The following KAT6B variants were observed in gnomAD, a reference collection of about 807,000 sequenced individuals.
KAT6B encodes histone acetyltransferase KAT6B.
KAT6B carries 10 observed loss-of-function variants against 187.5 expected under a neutral mutation model. The observed-to-expected ratio is 0.05, with a 90% confidence interval of 0.03 to 0.09. KAT6B has a LOEUF of 0.09. KAT6B is among the 10% of genes least tolerant of loss of function. KAT6B has a pLI of 1.00. For synonymous variants in KAT6B, 861 were observed against 926.8 expected, an observed-to-expected ratio of 0.93 and a Z score of 1.29; for missense variants, 1,952 against 2,558.9, an observed-to-expected ratio of 0.76 and a Z score of 5.12.
At chr10:74,878,215 G>A (rs1844565420) in intron 3 of KAT6B, among the ~76,000 whole-genome samples, 1 of 152,178 alleles carries the variant, frequency 6.6e-6, no homozygotes, top group African/African-American at 2.4e-5. Flanking sequence ...ACTCAAAGAG[G>A]AAAGGGGTTG....
At position 74,843,153 on chromosome 10, in the gene KAT6B, G is replaced by A. The variant is rs1841859658; in HGVS notation, c.296G>A (p.Cys99Tyr). Reference sequence around the variant, plus strand: ...TCAGCCAAGGGGTCTAGAGGATCATGTAATGATCTCCGCAATGTGGATTGG... The same window carrying A: ...TCAGCCAAGGGGTCTAGAGGATCATATAATGATCTCCGCAATGTGGATTGG... ...PKSAKGSRGS[C>Y]NDLRNVDWNK... Residue 99 changes from cysteine to tyrosine, a missense_variant, in exon 3 of 18, where the codon TGT (cysteine) becomes TAT (tyrosine). Physicochemically the swap from Cys to Tyr is radical, Grantham distance 194. Transcript: ENST00000287239. 3 of 1,614,010 alleles carry A rather than the reference G, an allele frequency of 1.9e-6. No individual in the cohort carries two copies. Among genetic ancestry groups the A allele is most frequent in the African/African-American group, 2.7e-5 (2 of 74,938 alleles).
At chr10:74,855,214 G>C (rs1029505804) in intron 3 of KAT6B, among the ~76,000 whole-genome samples, 1 of 152,168 alleles carries the variant, frequency 6.6e-6, no homozygotes, top group Admixed American at 6.5e-5. Context: ...GAGCAGTGAG[G>C]CCTGCAGGAA....
intron 3 of KAT6B, among the ~76,000 whole-genome samples, chr10:74,884,612 A>G (rs774158336): frequency 1.3e-5 from 2 of 151,976 alleles, no homozygotes; most frequent in Non-Finnish European, 2.9e-5. Flanking sequence ...TCTGTTGCCC[A>G]GGCTGGAGTG....
In KAT6B at chr10:74,976,316, C is replaced by T; in HGVS notation, c.1979C>T (p.Pro660Leu). The change falls in exon 8 of 18, where the codon CCT becomes CTT. Residue 660 changes from proline (P) to leucine (L), a missense_variant. By Grantham distance (98) the Pro-to-Leu change is moderately conservative. Coordinates refer to ENST00000287239, the MANE Select transcript of KAT6B (RefSeq NM_012330.4). ...AGCTTGACAGACGGAAGGATTAAACCTGATCAGGATGATGGTAAGCAAAAG... is the reference window on the plus strand; with the variant it reads ...AGCTTGACAGACGGAAGGATTAAACTTGATCAGGATGATGGTAAGCAAAAG... ...KGSLTDGRIK[P>L]DQDDDTEIKI... is the part of the protein sequence containing the mutation. The T allele has an allele frequency of 1.2e-6, 2 of 1,613,060 alleles. No homozygotes were observed. Among genetic ancestry groups the T allele is most frequent in the Non-Finnish European group, 1.7e-6 (2 of 1,179,934 alleles).
intron 3 of KAT6B, among the ~76,000 whole-genome samples, chr10:74,870,579 G>T (rs1213346412): frequency 1.3e-5 from 2 of 152,098 alleles, no homozygotes; most frequent in Non-Finnish European, 2.9e-5. Flanking sequence ...TCTATTGAAA[G>T]AGTTTTTTTT....
chr10:74,838,978 C>T (rs187554809), intron 2 of KAT6B, among the ~76,000 whole-genome samples: 2 of 152,020 alleles, frequency 1.3e-5, no homozygotes, highest in African/African-American at 4.8e-5. Flanking sequence ...CATGGCAAAA[C>T]CCTGTCTCTA....
intron 3 of KAT6B, among the ~76,000 whole-genome samples, chr10:74,856,024 G>C (rs1020130136): frequency 2.6e-5 from 4 of 151,996 alleles, no homozygotes; most frequent in Admixed American, 6.6e-5. Flanking sequence ...AAAAAATTCG[G>C]CAGTGGAATG....
chr10:74,982,981 C>T (rs531051835), intron 11 of KAT6B: 1 of 152,370 alleles, frequency 6.6e-6, no homozygotes, highest in Admixed American at 6.5e-5. Context: ...GGACCAGGCT[C>T]CTTCTCAGAC....
At chr10:74,906,771 G>C (rs2132845379) in intron 3 of KAT6B, among the ~76,000 whole-genome samples, 1 of 152,226 alleles carries the variant, frequency 6.6e-6, no homozygotes. Flanking sequence ...CCACTTTTCT[G>C]ACTTAACACC....
intron 3 of KAT6B, among the ~76,000 whole-genome samples, chr10:74,923,268 A>G (rs1274101388): frequency 6.6e-6 from 1 of 152,126 alleles, no homozygotes; most frequent in Non-Finnish European, 1.5e-5. Flanking sequence ...TCATTCATTT[A>G]TTTATTCATT....
intron 3 of KAT6B, among the ~76,000 whole-genome samples, chr10:74,949,693 G>A (rs985556802): frequency 1.3e-5 from 2 of 152,094 alleles, no homozygotes; most frequent in African/African-American, 4.8e-5. Context: ...ACTCCGTTAT[G>A]GCTAAGCTTT....
chr10:74,826,962 G>A (rs1840297797), intron 1 of KAT6B, among the ~76,000 whole-genome samples, 177 bp downstream of exon 1: 1 of 149,398 alleles, frequency 6.7e-6, no homozygotes, highest in African/African-American at 2.5e-5. Flanking sequence ...CGGGGGAAAG[G>A]GGAGGAGGGA....
At chr10:74,977,171 T>C in intron 8 of KAT6B, 145 bp from the exon 9 acceptor site, 1 of 724,124 alleles carries the variant, frequency 1.4e-6, no homozygotes, top group African/African-American at 1.8e-5. Flanking sequence ...CTATGAGCAG[T>C]GCTTAGATGT....
At chr10:74,935,430 C>T (rs1364454267) in intron 3 of KAT6B, among the ~76,000 whole-genome samples, 1 of 151,504 alleles carries the variant, frequency 6.6e-6, no homozygotes, top group Non-Finnish European at 1.5e-5. Flanking sequence ...ATGCCCAGAC[C>T]AGAGTGCAAT....
intron 3 of KAT6B, among the ~76,000 whole-genome samples, chr10:74,892,660 C>A: frequency 6.6e-6 from 1 of 152,056 alleles, no homozygotes; most frequent in Non-Finnish European, 1.5e-5. Context: ...CTCTTTCTGT[C>A]CTCCCCTAGT....
intron 2 of KAT6B, among the ~76,000 whole-genome samples, chr10:74,839,858 C>A (rs534517137): frequency 6.6e-6 from 1 of 152,300 alleles, no homozygotes; most frequent in East Asian, 1.9e-4. Context: ...TGATTTCATT[C>A]CTAAACACAC....
At chr10:74,840,386 T>C (rs1841657394) in intron 2 of KAT6B, among the ~76,000 whole-genome samples, 1 of 152,190 alleles carries the variant, frequency 6.6e-6, no homozygotes, top group South Asian at 2.1e-4. Flanking sequence ...CAAAAGGTAC[T>C]TGTTTTTGGA....
chr10:74,908,368 C>T (rs1240585086), intron 3 of KAT6B, among the ~76,000 whole-genome samples: 3 of 152,046 alleles, frequency 2.0e-5, no homozygotes, highest in African/African-American at 7.2e-5. Flanking sequence ...TGAAACCATC[C>T]TGGCCAAAGT....
chr10:74,931,922 G>C (rs1239687728), intron 3 of KAT6B, among the ~76,000 whole-genome samples: 1 of 151,892 alleles, frequency 6.6e-6, no homozygotes, highest in Non-Finnish European at 1.5e-5. Context: ...ATGTTGGCCA[G>C]GCTGGTCTCA....
Sources: allele counts gnomAD v4.1 joint callset (sites outside exome capture counted in the v4.1 genomes callset), GRCh38; gene constraint gnomAD v4.1.1; transcripts MANE v1.5; gene names NCBI Gene and HGNC (gene_info 2026-07-23, HGNC 2026-07-21).